Variants in MRPL48 observed in about 807,000 individuals in gnomAD.
MRPL48 encodes the protein large ribosomal subunit protein mL48.
Under a neutral mutation model 32.9 loss-of-function variants are expected in MRPL48, and 16 were observed. The observed-to-expected ratio is 0.49, with a 90% CI of 0.33 to 0.74. The LOEUF (loss-of-function observed/expected upper bound fraction) is 0.74. Among genes scored for constraint, MRPL48 ranks in the 30% least tolerant of loss-of-function variants. MRPL48 has a pLI of 0.02. For missense variants in MRPL48, 206 were observed against 245.3 expected, an observed-to-expected ratio of 0.84 and a Z score of 1.07; for synonymous variants, 94 against 89.2, an observed-to-expected ratio of 1.05 and a Z score of -0.31.
intron 4 of MRPL48, among the ~76,000 whole-genome samples, chr11:73,841,782 A>G (rs1434394405): frequency 6.6e-6 from 1 of 152,194 alleles, no homozygotes; most frequent in African/African-American, 2.4e-5. Flanking sequence ...ACTAAAATTC[A>G]AACATAATAG....
At chr11:73,817,150 A>G (rs1330650642) in intron 3 of MRPL48, among the ~76,000 whole-genome samples, 1 of 152,098 alleles carries the variant, frequency 6.6e-6, no homozygotes, top group Admixed American at 6.6e-5. Flanking sequence ...TTGTTTTTGA[A>G]GTTGGCATCA....
Position 73,814,994 on chromosome 11 carries a change from AT to A in MRPL48, c.112+6645del, listed in dbSNP as rs530539620. 2.3e-4 allele frequency among the ~76,000 whole-genome samples: 12 copies of A among 51,986 alleles called. No individual in the cohort carries two copies. In the South Asian group the frequency reaches 0.012, roughly 50 times the overall value. The allele number at this position is 51,986 out of a possible 152,430, so 34.1% of individuals were successfully genotyped here. On this transcript the variant is annotated intron_variant, in intron 3 of 7. Transcript: ENST00000310614. ...GGATGACAGAGCAAGACTTGGTCTCATAAATAAATAAATAAATAAATAAATA... is the reference window on the plus strand; with the variant it reads ...GGATGACAGAGCAAGACTTGGTCTCAAAATAAATAAATAAATAAATAAATA...
At chr11:73,827,186 C>T (rs1423350208) in intron 4 of MRPL48, among the ~76,000 whole-genome samples, 4 of 151,886 alleles carry the variant, frequency 2.6e-5, no homozygotes, top group Admixed American at 2.6e-4. Context: ...AGTTCAAGAC[C>T]AGCCTGACCA....
chr11:73,801,044 C>T (rs1947355030), intron 1 of MRPL48, among the ~76,000 whole-genome samples: 3 of 152,022 alleles, frequency 2.0e-5, no homozygotes, highest in Non-Finnish European at 1.5e-5. Flanking sequence ...CTCCGGACCT[C>T]AGGTGATCCG....
At chr11:73,841,310 C>A (rs997644137) in intron 4 of MRPL48, among the ~76,000 whole-genome samples, 2 of 152,188 alleles carry the variant, frequency 1.3e-5, no homozygotes, top group Admixed American at 1.3e-4. Flanking sequence ...AACAGAAATG[C>A]ATACATATGT....
At chr11:73,794,840 G>A (rs551487320) in intron 1 of MRPL48, among the ~76,000 whole-genome samples, 1 of 149,920 alleles carries the variant, frequency 6.7e-6, no homozygotes, top group South Asian at 2.1e-4. Flanking sequence ...CGCCTCCCGG[G>A]TTCAAGCGAT....
intron 4 of MRPL48, among the ~76,000 whole-genome samples, chr11:73,834,041 G>T (rs1948044403): frequency 6.6e-6 from 1 of 151,948 alleles, no homozygotes; most frequent in Non-Finnish European, 1.5e-5. Context: ...TAAAGATGGG[G>T]TTTCACCATG....
chr11:73,860,745 A>G (rs1188658245), intron 6 of MRPL48, among the ~76,000 whole-genome samples: 3 of 152,188 alleles, frequency 2.0e-5, no homozygotes, highest in Non-Finnish European at 2.9e-5. Context: ...CAATTTACCA[A>G]TTTGAAGTAT....
intron 3 of MRPL48, among the ~76,000 whole-genome samples, chr11:73,819,026 C>T (rs538229647): frequency 1.3e-5 from 2 of 152,156 alleles, no homozygotes; most frequent in African/African-American, 4.8e-5. Flanking sequence ...CAGCAGGAAA[C>T]CCACTTATTG....
chr11:73,797,611 C>A lies in MRPL48; in HGVS notation c.22-7416C>A, dbSNP rs190011892. 4.8e-3 allele frequency among the ~76,000 whole-genome samples: 737 copies of A among 152,342 alleles called. 1 individual carries two copies. Among genetic ancestry groups the A allele is most frequent in the Non-Finnish European group, 7.8e-3 (531 of 68,022 alleles). ...AGAGAGCCAGTGCCTGTGCCAGCAC[C>A]TGCAGCTGCCCGCCCTGCTGCAGCA... On this transcript the variant is annotated intron_variant, in intron 1 of 7. Transcript: ENST00000310614.
chr11:73,840,318 C>A (rs1013462975), intron 4 of MRPL48, among the ~76,000 whole-genome samples: 1 of 152,052 alleles, frequency 6.6e-6, no homozygotes, highest in Non-Finnish European at 1.5e-5. Context: ...CGTGGAAAAA[C>A]CTTGTCTCTA....
intron 3 of MRPL48, among the ~76,000 whole-genome samples, chr11:73,823,297 C>T (rs1947815136): frequency 6.6e-6 from 1 of 152,006 alleles, no homozygotes; most frequent in African/African-American, 2.4e-5. Context: ...GAGTGGTGAC[C>T]CTGAAGAAAT....
Position 73,787,943 on chromosome 11 carries a change from C to T in MRPL48, c.-29C>T. 1.2e-6 allele frequency: 2 copies of T among 1,610,582 alleles called. No homozygotes were observed. The highest frequency in any genetic ancestry group is 1.7e-6 in the Non-Finnish European group (2 of 1,178,042). ...GCTGCAGGGTCCGGTCTTCGGTTTG[C>T]ACAGCTAGAGGCCGCGCAGCAGCAA... On this transcript the variant is annotated 5_prime_UTR_variant, in exon 1 of 8. Transcript: ENST00000310614.
At chr11:73,853,356 A>G (rs540533451) in intron 5 of MRPL48, among the ~76,000 whole-genome samples, 11 of 152,224 alleles carry the variant, frequency 7.2e-5, no homozygotes, top group African/African-American at 2.6e-4. Flanking sequence ...CATATACCCT[A>G]TAAATATATA....
chr11:73,790,964 C>T (rs1487000191), intron 1 of MRPL48, among the ~76,000 whole-genome samples: 3 of 147,242 alleles, frequency 2.0e-5, no homozygotes, highest in Non-Finnish European at 4.4e-5. Flanking sequence ...TGGTTCACTG[C>T]AGCCCCGATA....
intron 3 of MRPL48, among the ~76,000 whole-genome samples, chr11:73,814,673 C>T (rs1478994583): frequency 1.4e-5 from 2 of 143,750 alleles, no homozygotes; most frequent in African/African-American, 2.6e-5. Flanking sequence ...CAAGCCTAGG[C>T]GACAAGAGTG....
chr11:73,799,680 A>G (rs1198441560), intron 1 of MRPL48, among the ~76,000 whole-genome samples: 2 of 152,136 alleles, frequency 1.3e-5, no homozygotes, highest in African/African-American at 4.8e-5. Context: ...AATGGGTACA[A>G]TGTTCATCAT....
chr11:73,816,304 G>A (rs574239774), intron 3 of MRPL48, among the ~76,000 whole-genome samples: 54 of 136,172 alleles, frequency 4.0e-4, no homozygotes, highest in Non-Finnish European at 7.1e-4. Context: ...CTCGTGATCC[G>A]CCCGCCTCGG....
chr11:73,823,490 A>C (rs1187056257), intron 3 of MRPL48, among the ~76,000 whole-genome samples: 1 of 152,154 alleles, frequency 6.6e-6, no homozygotes, highest in Non-Finnish European at 1.5e-5. Flanking sequence ...GGTGAAAGTA[A>C]CCAGAAAGAA....
Sources: gnomAD v4.1 joint callset for allele counts (sites outside exome capture counted in the v4.1 genomes callset) on GRCh38, gnomAD v4.1.1 for gene constraint, MANE v1.5 for transcripts, NCBI Gene and HGNC (gene_info 2026-07-23, HGNC 2026-07-21) for gene names.